The following SYT1 variants were observed in gnomAD, a reference collection of about 807,000 sequenced individuals.
The protein encoded by SYT1 is synaptotagmin-1.
In SYT1, 8 loss-of-function variants were observed where a neutral mutation model predicts 44.8. The ratio of observed to expected loss-of-function variants is 0.18; its 90% CI spans 0.10 to 0.32. The LOEUF (loss-of-function observed/expected upper bound fraction) is 0.32, where lower values mean the gene tolerates loss of function less well. Ranked by LOEUF, SYT1 falls within the 10% of genes least tolerant of loss-of-function variation. The pLI, the probability that SYT1 is intolerant of heterozygous loss-of-function variation, is 1.00. For missense variants in SYT1, 286 were observed against 509.3 expected, an observed-to-expected ratio of 0.56 and a Z score of 4.22; for synonymous variants, 154 against 188.8, an observed-to-expected ratio of 0.82 and a Z score of 1.51.
chr12:79,103,761 C>T (rs1878562560), intron 3 of SYT1, among the ~76,000 whole-genome samples: 1 of 151,812 alleles, frequency 6.6e-6, no homozygotes, highest in African/African-American at 2.4e-5. Flanking sequence ...GATAATTAAC[C>T]ATATTTTGAA....
intron 1 of SYT1, among the ~76,000 whole-genome samples, chr12:78,972,283 A>T (rs1422644886): frequency 6.6e-6 from 1 of 152,100 alleles, no homozygotes; most frequent in Non-Finnish European, 1.5e-5. Context: ...TAGCTGATAT[A>T]TCATCTGTGA....
chr12:78,869,804 C>T lies in SYT1; in HGVS notation c.-217+4695C>T, dbSNP rs529702083. On this transcript the variant is annotated intron_variant, in intron 1 of 10. Coordinates refer to ENST00000261205, the MANE Select transcript of SYT1 (RefSeq NM_005639.3). ...TTATTTAAGCCTTAAGTTCTGATTG[C>T]TGATTTCCATACTTTACTAATAATG... Among the ~76,000 whole-genome samples, 422 of 152,098 alleles carry T rather than the reference C, an allele frequency of 2.8e-3. 1 individual carries two copies. The highest frequency in any genetic ancestry group is 9.8e-3 in the African/African-American group (405 of 41,536).
At chr12:79,037,667 G>C (rs1873223065) in intron 2 of SYT1, among the ~76,000 whole-genome samples, 1 of 151,594 alleles carries the variant, frequency 6.6e-6, no homozygotes, top group Non-Finnish European at 1.5e-5. Context: ...ACAATCTTTT[G>C]GCCTTCTACC....
intron 8 of SYT1, among the ~76,000 whole-genome samples, chr12:79,305,082 T>C (rs1423572976): frequency 2.0e-5 from 3 of 152,328 alleles, no homozygotes; most frequent in South Asian, 2.1e-4. Flanking sequence ...AAGAACATGA[T>C]AGGAAAAAGC....
chr12:79,224,384 T>C (rs559967229), intron 4 of SYT1, among the ~76,000 whole-genome samples: 70 of 152,180 alleles, frequency 4.6e-4, no homozygotes, highest in Middle Eastern at 3.4e-3. Context: ...GTAAATGTAA[T>C]AGGGAAGGGG....
chr12:79,087,092 A>G (rs1479954603), intron 3 of SYT1, among the ~76,000 whole-genome samples: 9 of 152,154 alleles, frequency 5.9e-5, no homozygotes, highest in African/African-American at 2.2e-4. Context: ...CTGTGTTAGT[A>G]CACAATTCGG....
intron 9 of SYT1, among the ~76,000 whole-genome samples, chr12:79,413,916 T>C (rs1001645738): frequency 6.6e-6 from 1 of 152,206 alleles, no homozygotes; most frequent in Non-Finnish European, 1.5e-5. Context: ...TCTTTTCCTC[T>C]ATAAGCCTAA....
At chr12:79,321,667 G>A (rs552249258) in intron 8 of SYT1, among the ~76,000 whole-genome samples, 1 of 152,164 alleles carries the variant, frequency 6.6e-6, no homozygotes, top group South Asian at 2.1e-4. Context: ...TGCTGTTCAG[G>A]GCACTGGGTT....
At chr12:79,363,365 A>T (rs1251716201) in intron 9 of SYT1, among the ~76,000 whole-genome samples, 4 of 152,090 alleles carry the variant, frequency 2.6e-5, no homozygotes, top group African/African-American at 9.7e-5. Context: ...AAAAGCATGC[A>T]AAGTTTTGAG....
At chr12:79,247,314 T>C (rs972539751) in intron 4 of SYT1, among the ~76,000 whole-genome samples, 2 of 152,168 alleles carry the variant, frequency 1.3e-5, no homozygotes, top group African/African-American at 2.4e-5. Flanking sequence ...TTTAAAAAGA[T>C]ATCTGAAGTT....
chr12:79,240,603 C>T (rs995616312), intron 4 of SYT1, among the ~76,000 whole-genome samples: 1 of 152,124 alleles, frequency 6.6e-6, no homozygotes, highest in Admixed American at 6.5e-5. Flanking sequence ...TATTTCCAAT[C>T]TATGAAAACA....
chr12:79,430,399 G>A (rs1869705784), intron 9 of SYT1, among the ~76,000 whole-genome samples: 1 of 152,190 alleles, frequency 6.6e-6, no homozygotes, highest in Non-Finnish European at 1.5e-5. Context: ...AGGAATTGAT[G>A]TCTTCTCTTC....
chr12:79,020,294 C>T (rs1872103439), intron 2 of SYT1, among the ~76,000 whole-genome samples: 1 of 151,882 alleles, frequency 6.6e-6, no homozygotes, highest in Non-Finnish European at 1.5e-5. Context: ...GTCATCTGTG[C>T]CTGTGGTTAA....
At chr12:79,215,777 T>A (rs1256281633) in intron 3 of SYT1, among the ~76,000 whole-genome samples, 1 of 152,128 alleles carries the variant, frequency 6.6e-6, no homozygotes. Context: ...CATGATCTCC[T>A]GGAAGTAGAT....
chr12:79,069,219 T>A (rs928981018), intron 3 of SYT1, among the ~76,000 whole-genome samples: 1 of 152,132 alleles, frequency 6.6e-6, no homozygotes, highest in Non-Finnish European at 1.5e-5. Context: ...AGACCACAGG[T>A]AATATTTCTG....
rs74110328 is a variant in SYT1, at chr12:79,322,520, T to A, written c.810+22969T>A. 4.0e-3 allele frequency among the ~76,000 whole-genome samples: 604 copies of A among 152,258 alleles called. 5 individuals carry two copies. The highest frequency in any genetic ancestry group is 0.014 in the African/African-American group (586 of 41,540). On this transcript the variant is annotated intron_variant, in intron 8 of 10. Transcript: ENST00000261205. ...TTTACATTCTCTTTGTTCTTATGAGTGTATCAGTGAATATTATTAATATTG... is the reference window on the plus strand; with the variant it reads ...TTTACATTCTCTTTGTTCTTATGAGAGTATCAGTGAATATTATTAATATTG...
At chr12:79,012,296 G>A (rs1185890296) in intron 2 of SYT1, among the ~76,000 whole-genome samples, 1 of 152,110 alleles carries the variant, frequency 6.6e-6, no homozygotes, top group Non-Finnish European at 1.5e-5. Flanking sequence ...ACCACACATG[G>A]TAACTGAGAA....
At chr12:79,276,990 GA>G (rs1878773462) in intron 4 of SYT1, among the ~76,000 whole-genome samples, 1 of 151,596 alleles carries the variant, frequency 6.6e-6, no homozygotes, top group South Asian at 2.1e-4. Flanking sequence ...GAGGAGGAGG[GA>G]GAAGGAGGAG....
intron 3 of SYT1, among the ~76,000 whole-genome samples, chr12:79,186,400 T>C (rs1872804379): frequency 1.3e-5 from 2 of 152,000 alleles, no homozygotes; most frequent in Non-Finnish European, 2.9e-5. Context: ...CTTTCATCAA[T>C]ATTAGAATGG....
Sources: allele counts gnomAD v4.1 joint callset (sites outside exome capture counted in the v4.1 genomes callset), GRCh38; gene constraint gnomAD v4.1.1; transcripts MANE v1.5; gene names NCBI Gene and HGNC (gene_info 2026-07-23, HGNC 2026-07-21).